Variants in AOAH observed in about 807,000 individuals in gnomAD.
AOAH encodes the protein acyloxyacyl hydrolase (neutrophil).
In AOAH, 64 loss-of-function variants were observed where a neutral mutation model predicts 92.2. That is an observed-to-expected ratio of 0.69 (90% CI 0.57 to 0.86). The LOEUF is 0.86. AOAH is among the 40% of genes least tolerant of loss of function. The pLI is 0.00. For missense variants in AOAH, 656 were observed against 694.6 expected, an observed-to-expected ratio of 0.94 and a Z score of 0.62; for synonymous variants, 263 against 254.5, an observed-to-expected ratio of 1.03 and a Z score of -0.32.
chr7:36,539,031 G>A (rs1183322188), intron 16 of AOAH, among the ~76,000 whole-genome samples: 1 of 152,202 alleles, frequency 6.6e-6, no homozygotes, highest in Non-Finnish European at 1.5e-5. Context: ...ATTTCCTGAG[G>A]GAGAAGTGGG....
Position 36,656,009 on chromosome 7 carries a change from C to G in AOAH, c.390+3157G>C, listed in dbSNP as rs144965598. On this transcript the variant is annotated intron_variant, in intron 4 of 20. Transcript: ENST00000617537. ...TGAACGATGGGGAGGAATAATCCAC[C>G]AAGTGGAAGGACAGAGTGAGAAATT... Among the ~76,000 whole-genome samples, 413 of 152,244 alleles carry G rather than the reference C, an allele frequency of 2.7e-3. 1 individual carries two copies. The highest frequency in any genetic ancestry group is 9.6e-3 in the African/African-American group (398 of 41,534).
chr7:36,628,298 T>C (rs1239342913), intron 6 of AOAH, among the ~76,000 whole-genome samples: 1 of 152,152 alleles, frequency 6.6e-6, no homozygotes, highest in Non-Finnish European at 1.5e-5. Context: ...AAAGAGGGGA[T>C]CCTCCTGACT....
chr7:36,684,710 G>A (rs1199996710), intron 2 of AOAH, among the ~76,000 whole-genome samples: 1 of 151,774 alleles, frequency 6.6e-6, no homozygotes, highest in East Asian at 1.9e-4. Context: ...CTTGAGGCTA[G>A]GAGTTAGAGA....
intron 13 of AOAH, among the ~76,000 whole-genome samples, chr7:36,570,696 G>T (rs1407773575): frequency 1.1e-4 from 16 of 152,206 alleles, no homozygotes; most frequent in Admixed American, 1.0e-3. Context: ...TCTAACTGGT[G>T]TGAGGTGATA....
intron 5 of AOAH, 45 bp from the exon 6 acceptor site, chr7:36,632,151 G>C: frequency 3.3e-6 from 5 of 1,528,920 alleles, no homozygotes; most frequent in Non-Finnish European, 3.6e-6. Flanking sequence ...TTAGTTTAAG[G>C]AGTGGTTCCC....
intron 11 of AOAH, among the ~76,000 whole-genome samples, chr7:36,609,683 C>T (rs758805541): frequency 2.6e-5 from 4 of 152,082 alleles, no homozygotes; most frequent in South Asian, 2.1e-4. Context: ...CTCCAGTTTG[C>T]GGGGGAGCGT....
At chr7:36,522,960 G>A (rs1194671265) in intron 19 of AOAH, among the ~76,000 whole-genome samples, 1 of 152,200 alleles carries the variant, frequency 6.6e-6, no homozygotes, top group Non-Finnish European at 1.5e-5. Context: ...TCATCCCAAA[G>A]GAAGGACGGA....
At chr7:36,534,189 C>T (rs1300326985) in intron 16 of AOAH, among the ~76,000 whole-genome samples, 1 of 152,200 alleles carries the variant, frequency 6.6e-6, no homozygotes, top group Admixed American at 6.5e-5. Context: ...GGGATGAAGG[C>T]CCACCCTGGC....
chr7:36,578,610 C>A (rs183332208), intron 12 of AOAH, among the ~76,000 whole-genome samples: 3 of 152,192 alleles, frequency 2.0e-5, no homozygotes, highest in African/African-American at 7.2e-5. Flanking sequence ...CTCCTCATCT[C>A]TAAGTAACAT....
chr7:36,606,571 C>G (rs1791016652), intron 11 of AOAH, among the ~76,000 whole-genome samples: 1 of 152,250 alleles, frequency 6.6e-6, no homozygotes, highest in Admixed American at 6.5e-5. Flanking sequence ...CTCCTCACCC[C>G]CTCCCCCAAC....
chr7:36,632,774 T>G (rs1793221348), intron 5 of AOAH, among the ~76,000 whole-genome samples: 1 of 152,240 alleles, frequency 6.6e-6, no homozygotes, highest in Non-Finnish European at 1.5e-5. Context: ...AGAGAGACAC[T>G]GGATTCCTGC....
intron 1 of AOAH, among the ~76,000 whole-genome samples, chr7:36,699,026 T>A (rs77947628): frequency 0.14 from 21,340 of 151,856 alleles, 1,648 homozygotes; most frequent in Middle Eastern, 0.24. Flanking sequence ...CATTTTTTTT[T>A]ATCCCACATG....
In AOAH at chr7:36,513,299, A is replaced by ACGGATT; in HGVS notation, c.1675_1680dup (p.Asn559_Pro560dup). Reference sequence around the variant, plus strand: ...AACACCTGTTTAATCTGGGGGTTGAACGGATTCTCCTTTCCCAGGATTTGG... The same window carrying ACGGATT: ...AACACCTGTTTAATCTGGGGGTTGAACGGATTCGGATTCTCCTTTCCCAGGATTTGG... On this transcript the variant is annotated inframe_insertion, in exon 21 of 21. Coordinates refer to ENST00000617537, the MANE Select transcript of AOAH (RefSeq NM_001637.4). 6.2e-7 allele frequency: 1 copy of ACGGATT among 1,614,178 alleles called. No individual in the cohort carries two copies. Among genetic ancestry groups the ACGGATT allele is most frequent in the Non-Finnish European group, 8.5e-7 (1 of 1,180,024 alleles).
intron 1 of AOAH, among the ~76,000 whole-genome samples, chr7:36,722,804 T>C (rs1359823228): frequency 1.3e-5 from 2 of 151,606 alleles, no homozygotes; most frequent in Admixed American, 6.6e-5. Context: ...TGTGGTGGTG[T>C]GCATCTGTAA....
At chr7:36,517,262 C>CTTTCTTTCTTTCTTTCTTTCTT in intron 20 of AOAH, among the ~76,000 whole-genome samples, 1 of 132,588 alleles carries the variant, frequency 7.5e-6, no homozygotes, top group Admixed American at 7.6e-5. Flanking sequence ...CTGTGTCTCT[C>CTTTCTTTCTTTCTTTCTTTCTT]TCTTTCTTTC....
chr7:36,620,198 C>T (rs1305861047), intron 9 of AOAH, among the ~76,000 whole-genome samples: 1 of 151,820 alleles, frequency 6.6e-6, no homozygotes, highest in East Asian at 1.9e-4. Flanking sequence ...CATGAGGAAC[C>T]CTCAAATCTT....
chr7:36,543,179 TA>T (rs1785539086), intron 15 of AOAH, among the ~76,000 whole-genome samples: 1 of 152,156 alleles, frequency 6.6e-6, no homozygotes, highest in Admixed American at 6.5e-5. Flanking sequence ...ATTTTAAAAA[TA>T]AAAATCTTCC....
At chr7:36,537,465 C>A (rs1487384096) in intron 16 of AOAH, among the ~76,000 whole-genome samples, 2 of 151,736 alleles carry the variant, frequency 1.3e-5, no homozygotes, top group African/African-American at 2.4e-5. Flanking sequence ...TTTAGCAAAC[C>A]CCCTGGCCTC....
At chr7:36,680,126 A>C (rs1014183401) in intron 2 of AOAH, among the ~76,000 whole-genome samples, 3 of 152,178 alleles carry the variant, frequency 2.0e-5, no homozygotes, top group African/African-American at 7.2e-5. Flanking sequence ...ACTTGTAGCA[A>C]GACTCTCAGG....
Sources: allele counts gnomAD v4.1 joint callset (sites outside exome capture counted in the v4.1 genomes callset), GRCh38; gene constraint gnomAD v4.1.1; transcripts MANE v1.5; gene names NCBI Gene and HGNC (gene_info 2026-07-23, HGNC 2026-07-21).